UVRAG: variants seen among roughly 807,000 people sequenced by gnomAD.
The protein encoded by UVRAG is UV radiation resistance-associated gene protein.
Under a neutral mutation model 78.0 loss-of-function variants are expected in UVRAG, and 19 were observed. That is an observed-to-expected ratio of 0.24 (90% CI 0.17 to 0.36). The LOEUF is 0.36. Ranked by LOEUF, UVRAG falls within the 10% of genes least tolerant of loss-of-function variation. The probability of loss-of-function intolerance (pLI) is 1.00; values close to 1 mark genes in which losing one functional copy is unlikely to be tolerated. For missense variants in UVRAG, 740 were observed against 853.8 expected (o/e 0.87, Z 1.66); for synonymous variants, 323 against 324.6 (o/e 1.00, Z 0.05).
intron 4 of UVRAG, among the ~76,000 whole-genome samples, chr11:75,882,891 T>A (rs537275140): frequency 1.0e-3 from 155 of 152,344 alleles, no homozygotes; most frequent in African/African-American, 3.4e-3. Context: ...AAACATTTTT[T>A]AAAAAATCTT....
At position 75,882,175 on chromosome 11, in the gene UVRAG, A is replaced by G. The variant is rs550207357; in HGVS notation, c.432+2135A>G. On this transcript the variant is annotated intron_variant, in intron 4 of 14. Transcript: ENST00000356136. ...TATAATACTTTCTGAGATGTTTCTT[A>G]TTAAAGAAACAACTTAATTCTGCAT... 3.3e-3 allele frequency among the ~76,000 whole-genome samples: 503 copies of G among 152,282 alleles called. 3 individuals are homozygous for G. Among genetic ancestry groups the G allele is most frequent in the Non-Finnish European group, 6.0e-3 (408 of 68,014 alleles).
At chr11:76,123,074 C>T (rs1311138827) in intron 14 of UVRAG, among the ~76,000 whole-genome samples, 1 of 152,120 alleles carries the variant, frequency 6.6e-6, no homozygotes, top group African/African-American at 2.4e-5. Flanking sequence ...CTCCTGATCC[C>T]ATATTCTTTT....
At chr11:75,949,952 A>G (rs2135162615) in intron 6 of UVRAG, among the ~76,000 whole-genome samples, 1 of 152,082 alleles carries the variant, frequency 6.6e-6, no homozygotes, top group African/African-American at 2.4e-5. Flanking sequence ...TTACTGCCTT[A>G]TCATTTATTA....
intron 1 of UVRAG, among the ~76,000 whole-genome samples, chr11:75,819,813 A>G (rs1316619614): frequency 3.3e-5 from 5 of 151,944 alleles, no homozygotes; most frequent in African/African-American, 7.2e-5. Context: ...TACTAAAAAT[A>G]GAAAAATTAG....
intron 6 of UVRAG, among the ~76,000 whole-genome samples, chr11:75,931,311 T>C (rs531573402): frequency 6.6e-5 from 10 of 152,224 alleles, no homozygotes; most frequent in African/African-American, 2.4e-4. Context: ...GAGATTTTAG[T>C]CTAGTGTGTT....
At chr11:75,961,367 T>C in intron 6 of UVRAG, 77 bp from the exon 7 acceptor site, 4 of 1,107,552 alleles carry the variant, frequency 3.6e-6, no homozygotes, top group African/African-American at 1.6e-5. Context: ...ATCCTCCAGG[T>C]TTGTCATTTA....
Position 75,873,833 on chromosome 11 carries a change from G to GTAC in UVRAG, c.271-6044_271-6042dup, listed in dbSNP as rs145890581. Among the ~76,000 whole-genome samples, 136 of 152,276 alleles carry GTAC rather than the reference G, an allele frequency of 8.9e-4. 2 individuals are homozygous for GTAC. In the East Asian group the frequency reaches 0.024, roughly 27 times the overall value. ...TCATGTAAGGTAGAGTTGGTGAAGG[G>GTAC]TACTCAGTTCCAGGGGAGCAGGCAC... On this transcript the variant is annotated intron_variant, in intron 3 of 14. Transcript: ENST00000356136.
At chr11:75,987,204 T>C (rs1415993865) in intron 8 of UVRAG, among the ~76,000 whole-genome samples, 1 of 152,234 alleles carries the variant, frequency 6.6e-6, no homozygotes, top group East Asian at 1.9e-4. Flanking sequence ...ACAGCTGTTT[T>C]ACATTCCTAC....
In UVRAG at chr11:75,951,234, T is replaced by C. The variant is rs546600375; in HGVS notation, c.594-10210T>C. ...GGTTCATTTATTTCCTATATACGTA[T>C]TAAGTTATTTCACTGCCATTTGTTG... On this transcript the variant is annotated intron_variant, in intron 6 of 14. Transcript: ENST00000356136. 1.9e-4 allele frequency among the ~76,000 whole-genome samples: 29 copies of C among 152,224 alleles called. No homozygotes were observed. The South Asian group carries it at 2.1e-3, about 11-fold the overall frequency.
chr11:76,129,905 ACACT>A (rs1246396439), intron 14 of UVRAG, among the ~76,000 whole-genome samples: 5 of 151,750 alleles, frequency 3.3e-5, no homozygotes, highest in South Asian at 4.2e-4. Context: ...TCTGACACAC[ACACT>A]CACTCACTCT....
chr11:75,961,644 GT>G, intron 7 of UVRAG, 95 bp downstream of exon 7: 2 of 897,462 alleles, frequency 2.2e-6, no homozygotes, highest in Non-Finnish European at 3.2e-6. Context: ...GCTTTAGATC[GT>G]TTTTATCTTC....
At chr11:75,985,757 T>C (rs1949489636) in intron 8 of UVRAG, among the ~76,000 whole-genome samples, 1 of 152,164 alleles carries the variant, frequency 6.6e-6, no homozygotes, top group Admixed American at 6.5e-5. Context: ...TGATAGTCAG[T>C]TGACCCAGCA....
At chr11:76,137,477 T>G (rs1320312611) in intron 14 of UVRAG, 1 of 456,122 alleles carries the variant, frequency 2.2e-6, no homozygotes, top group Non-Finnish European at 4.4e-6. Flanking sequence ...AATAAAAATT[T>G]TTGAAAGGTT....
intron 3 of UVRAG, among the ~76,000 whole-genome samples, chr11:75,874,118 T>C (rs1477171188): frequency 6.6e-6 from 1 of 152,242 alleles, no homozygotes; most frequent in African/African-American, 2.4e-5. Context: ...TCTCCCCAGT[T>C]CTTTCTCTCA....
intron 13 of UVRAG, among the ~76,000 whole-genome samples, chr11:76,096,533 T>G (rs1951787478): frequency 6.6e-6 from 1 of 152,176 alleles, no homozygotes; most frequent in Admixed American, 6.5e-5. Flanking sequence ...AACAATGGAA[T>G]GGAAAGCCTG....
chr11:75,952,445 G>GTT (rs796146395), intron 6 of UVRAG, among the ~76,000 whole-genome samples: 2 of 146,768 alleles, frequency 1.4e-5, no homozygotes, highest in African/African-American at 2.5e-5. Flanking sequence ...TTTGTTGAGG[G>GTT]TTTTTTTTTT....
chr11:76,019,360 T>G (rs957963954), intron 12 of UVRAG, among the ~76,000 whole-genome samples: 8 of 152,208 alleles, frequency 5.3e-5, no homozygotes, highest in Admixed American at 4.6e-4. Flanking sequence ...TTTAGTTAAT[T>G]TGGGGAGGTC....
chr11:75,846,885 A>G (rs1412368352), intron 1 of UVRAG, among the ~76,000 whole-genome samples: 1 of 151,722 alleles, frequency 6.6e-6, no homozygotes, highest in Non-Finnish European at 1.5e-5. Context: ...GTGCAGTGAC[A>G]TGATCTCAGC....
rs113077647 is a variant in UVRAG, at chr11:76,072,988, C to G, written c.1305+7200C>G. On this transcript the variant is annotated intron_variant, in intron 13 of 14. Coordinates refer to ENST00000356136, the MANE Select transcript of UVRAG (RefSeq NM_003369.4). ...TGTATTGACATTTACATGATGGTGG[C>G]TAAAATTGCTGGCCACTTAGAACAA... Among the ~76,000 whole-genome samples, 1,069 of 152,184 alleles carry G rather than the reference C, an allele frequency of 7.0e-3. 17 individuals are homozygous for G. Among genetic ancestry groups the G allele is most frequent in the African/African-American group, 0.025 (1,023 of 41,530 alleles).
Sources: allele counts gnomAD v4.1 joint callset (sites outside exome capture counted in the v4.1 genomes callset), GRCh38; gene constraint gnomAD v4.1.1; transcripts MANE v1.5; gene names NCBI Gene and HGNC (gene_info 2026-07-23, HGNC 2026-07-21).